BTBD1: variants seen among roughly 807,000 people sequenced by gnomAD.
The protein encoded by BTBD1 is BTB/POZ domain-containing protein 1.
Under a neutral mutation model 48.0 loss-of-function variants are expected in BTBD1, and 34 were observed. The ratio of observed to expected loss-of-function variants is 0.71; its 90% confidence interval spans 0.54 to 0.94. BTBD1 has a LOEUF of 0.94. BTBD1 is among the 40% of genes least tolerant of loss of function. BTBD1 has a pLI of 0.00. For missense variants in BTBD1, 543 were observed against 625.6 expected, an observed-to-expected ratio of 0.87 and a Z score of 1.41; for synonymous variants, 261 against 242.1, an observed-to-expected ratio of 1.08 and a Z score of -0.72.
At chr15:83,018,983 T>TGGGGGTGG (rs1011392406) in intron 6 of BTBD1, 130 bp from the exon 7 acceptor site, 1 of 7,502 alleles carries the variant, frequency 1.3e-4, no homozygotes, top group Non-Finnish European at 2.8e-4. Flanking sequence ...TGCCTAGCCT[T>TGGGGGTGG]GGGGGTGGGG....
intron 2 of BTBD1, among the ~76,000 whole-genome samples, chr15:83,050,988 C>T (rs1409594137): frequency 1.4e-5 from 2 of 146,554 alleles, no homozygotes; most frequent in African/African-American, 2.5e-5. Flanking sequence ...GTCAAGCTTA[C>T]AATATGTGCT....
At chr15:83,058,425 C>G (rs1293592726) in intron 1 of BTBD1, among the ~76,000 whole-genome samples, 1 of 152,044 alleles carries the variant, frequency 6.6e-6, no homozygotes, top group African/African-American at 2.4e-5. Flanking sequence ...TGCTCAATTC[C>G]CTTCTTAAAC....
chr15:83,047,986 A>G (rs1488822422), intron 3 of BTBD1, among the ~76,000 whole-genome samples: 2 of 152,202 alleles, frequency 1.3e-5, no homozygotes, highest in Non-Finnish European at 2.9e-5. Context: ...AATGGAGTGT[A>G]TGGGAGCAAG....
At chr15:83,050,560 GAGAGGTAC>G (rs1764634070) in intron 2 of BTBD1, among the ~76,000 whole-genome samples, 1 of 152,016 alleles carries the variant, frequency 6.6e-6, no homozygotes, top group South Asian at 2.1e-4. Context: ...CAGAGGTTTG[GAGAGGTAC>G]AGTGACTTGC....
In BTBD1 at chr15:83,055,684, C is replaced by T. The variant is rs367587743; in HGVS notation, c.558+705G>A. On this transcript the variant is annotated intron_variant, in intron 2 of 7. Coordinates refer to ENST00000261721, the MANE Select transcript of BTBD1 (RefSeq NM_025238.4). Reference sequence around the variant, plus strand: ...AGTAGATCAGCAAGTTTCCAGATTACAGGTCCAAAGATCGTTAATTTTAGA... The same window carrying T: ...AGTAGATCAGCAAGTTTCCAGATTATAGGTCCAAAGATCGTTAATTTTAGA... Among the ~76,000 whole-genome samples, 58 of 152,336 alleles carry T rather than the reference C, an allele frequency of 3.8e-4. No homozygotes were observed. In the South Asian group the frequency reaches 0.011, roughly 29 times the overall value.
intron 3 of BTBD1, among the ~76,000 whole-genome samples, chr15:83,046,326 T>C (rs1026674510): frequency 1.3e-5 from 2 of 152,184 alleles, no homozygotes; most frequent in Admixed American, 6.6e-5. Context: ...AACTAGTCTA[T>C]GGGGTAGAAA....
Position 83,016,431 on chromosome 15 carries a change from A to T in BTBD1, c.*1636T>A, listed in dbSNP as rs920290573. ...CAAATGACATAAAAGAGTTTTTTTT[A>T]TATATATATATATTTATTTATTTTT... On this transcript the variant is annotated 3_prime_UTR_variant, in exon 8 of 8. Transcript: ENST00000261721. 2.3e-4 allele frequency: 35 copies of T among 150,730 alleles called. No homozygotes were observed. The East Asian group carries it at 6.0e-3, about 26-fold the overall frequency. The allele number at this position is 150,730 out of a possible 1,614,324, so 9.3% of individuals were successfully genotyped here.
intron 5 of BTBD1, among the ~76,000 whole-genome samples, chr15:83,028,051 T>C (rs1259133906): frequency 6.6e-6 from 1 of 152,156 alleles, no homozygotes; most frequent in Admixed American, 6.5e-5. Flanking sequence ...GTTAGTAAAG[T>C]GGGAATTACA....
At chr15:83,054,463 T>C (rs1210443427) in intron 2 of BTBD1, among the ~76,000 whole-genome samples, 2 of 152,190 alleles carry the variant, frequency 1.3e-5, no homozygotes, top group Non-Finnish European at 2.9e-5. Context: ...TGGAGTTCTG[T>C]AATTATGTCC....
At chr15:83,019,226 A>AT (rs1224571472) in intron 6 of BTBD1, among the ~76,000 whole-genome samples, 1 of 151,786 alleles carries the variant, frequency 6.6e-6, no homozygotes, top group Admixed American at 6.6e-5. Context: ...CACCTGGCTA[A>AT]TTTTTTTGTA....
chr15:83,022,364 T>C (rs773360231), intron 5 of BTBD1: 34 of 152,194 alleles, frequency 2.2e-4, no homozygotes, highest in African/African-American at 7.7e-4. Flanking sequence ...AAATATGTTA[T>C]TTATAATTTT....
intron 5 of BTBD1, 34 bp downstream of exon 5, chr15:83,030,102 C>A (rs760474429): frequency 2.9e-5 from 46 of 1,594,620 alleles, no homozygotes; most frequent in Middle Eastern, 1.7e-4. Context: ...CTGCTACCCC[C>A]ACTCTACCCC....
chr15:83,025,640 AATT>A (rs1217374385), intron 5 of BTBD1, among the ~76,000 whole-genome samples: 2 of 152,200 alleles, frequency 1.3e-5, no homozygotes, highest in African/African-American at 2.4e-5. Context: ...TGATATATAA[AATT>A]ACTACAATAC....
At position 83,020,777 on chromosome 15, in the gene BTBD1, C is replaced by A. The variant is rs746417842; in HGVS notation, c.1056-15G>T. ...TAACTGTGAATCTGAGAGAAAGAAG[C>A]CAAAAATAAAATATAATTAATCCCA... On this transcript the variant is annotated splice_polypyrimidine_tract_variant and intron_variant, in intron 5 of 7. Transcript: ENST00000261721. 3 of 1,503,154 alleles carry A rather than the reference C, an allele frequency of 2.0e-6. No homozygotes were observed. Among genetic ancestry groups the A allele is most frequent in the Non-Finnish European group, 2.8e-6 (3 of 1,085,132 alleles). 93.1% of individuals were successfully genotyped at this position (1,503,154 alleles called of 1,614,324 possible). A position where few individuals can be genotyped will look rare whatever the true frequency, so the allele number is the denominator to read the frequency against.
At chr15:83,027,933 G>T (rs1481481033) in intron 5 of BTBD1, among the ~76,000 whole-genome samples, 2 of 152,062 alleles carry the variant, frequency 1.3e-5, no homozygotes, top group Non-Finnish European at 2.9e-5. Context: ...TCTATGTATT[G>T]AACTACATAT....
At chr15:83,021,764 A>ATC (rs1567101407) in intron 5 of BTBD1, among the ~76,000 whole-genome samples, 4 of 150,944 alleles carry the variant, frequency 2.6e-5, no homozygotes, top group African/African-American at 7.3e-5. Context: ...TAATAATAAT[A>ATC]ATAATACATA....
chr15:83,031,666 A>T (rs1263361693), intron 4 of BTBD1, among the ~76,000 whole-genome samples: 1 of 152,188 alleles, frequency 6.6e-6, no homozygotes, highest in Admixed American at 6.6e-5. Flanking sequence ...ATTAGGAGAT[A>T]TACCTAATGT....
At chr15:83,033,295 C>G (rs77998253) in intron 4 of BTBD1, among the ~76,000 whole-genome samples, 3,434 of 152,060 alleles carry the variant, frequency 0.023, 56 homozygotes, top group Middle Eastern at 0.041. Flanking sequence ...AGTATCCTAC[C>G]TGTTTTAAAA....
rs973350600 is a variant in BTBD1 at position 83,018,761 on chromosome 15, C to T, written c.1236G>A (p.Lys412=). ...GTANTFRVMF[K]EPIEILPNVC... is the part of the protein sequence containing the mutation. Reference sequence around the variant, plus strand: ...CATTGGGCAGGATCTCTATGGGTTCCTTGAACATGACCCTGAATGTGTTAG... The same window carrying T: ...CATTGGGCAGGATCTCTATGGGTTCTTTGAACATGACCCTGAATGTGTTAG... The change falls in exon 7 of 8, where the codon AAG becomes AAA. Residue 412 remains lysine (K), a synonymous_variant. Coordinates refer to ENST00000261721, the MANE Select transcript of BTBD1 (RefSeq NM_025238.4). 2 of 1,614,012 alleles carry T rather than the reference C, an allele frequency of 1.2e-6. No homozygotes were observed. The highest frequency in any genetic ancestry group is 8.5e-7 in the Non-Finnish European group (1 of 1,180,002).
Sources: gnomAD v4.1 joint callset for allele counts (sites outside exome capture counted in the v4.1 genomes callset) on GRCh38, gnomAD v4.1.1 for gene constraint, MANE v1.5 for transcripts, NCBI Gene and HGNC (gene_info 2026-07-23, HGNC 2026-07-21) for gene names.